DPP6: variants seen among roughly 807,000 people sequenced by gnomAD.
DPP6 encodes A-type potassium channel modulatory protein DPP6.
DPP6 carries 69 observed loss-of-function variants against 122.6 expected under a neutral mutation model. The ratio of observed to expected loss-of-function variants is 0.56; its 90% CI spans 0.46 to 0.69. The LOEUF is 0.69. Ranked by LOEUF, DPP6 falls within the 30% of genes least tolerant of loss-of-function variation. The pLI, the probability that DPP6 is intolerant of heterozygous loss-of-function variation, is 0.00. For missense variants in DPP6, 928 were observed against 1,116.9 expected (o/e 0.83, Z 2.41); for synonymous variants, 418 against 433.1 (o/e 0.97, Z 0.43).
chr7:154,030,524 A>C (rs6980009), intron 1 of DPP6, among the ~76,000 whole-genome samples: 35,935 of 152,044 alleles, frequency 0.24, 5,199 homozygotes, highest in African/African-American at 0.41. Flanking sequence ...CTCCTGCATC[A>C]TAACGGTGCT....
chr7:154,001,542 G>A (rs1585158025), intron 1 of DPP6, among the ~76,000 whole-genome samples: 1 of 151,772 alleles, frequency 6.6e-6, no homozygotes, highest in Non-Finnish European at 1.5e-5. Context: ...GGGCATGCTT[G>A]TTGGAACTGA....
At chr7:154,423,403 C>T (rs1311128236) in intron 1 of DPP6, among the ~76,000 whole-genome samples, 1 of 152,074 alleles carries the variant, frequency 6.6e-6, no homozygotes, top group Non-Finnish European at 1.5e-5. Context: ...CCTCAGGTGT[C>T]AGCTGGAACA....
Position 153,887,879 on chromosome 7 carries a change from C to T in DPP6, c.51+145C>T, listed in dbSNP as rs1052532001. The T allele has an allele frequency of 1.4e-5, 11 of 783,060 alleles. No homozygotes were observed. The Admixed American group carries it at 3.1e-4, about 22-fold the overall frequency. The allele number at this position is 783,060 out of a possible 1,614,324, so 48.5% of individuals were successfully genotyped here. A position where few individuals can be genotyped will look rare whatever the true frequency, so the allele number is the denominator to read the frequency against. ...GCGCGCGGCGGCGCTTCTCCCACTTCCCACCCGAGCCCACCCAGCGGCAGG... is the reference window on the plus strand; with the variant it reads ...GCGCGCGGCGGCGCTTCTCCCACTTTCCACCCGAGCCCACCCAGCGGCAGG... On this transcript the variant is annotated intron_variant, in intron 1 of 25. Coordinates refer to the DPP6 transcript ENST00000404039.
chr7:154,631,949 A>G (rs1199897948), intron 5 of DPP6, among the ~76,000 whole-genome samples: 3 of 152,142 alleles, frequency 2.0e-5, no homozygotes, highest in Admixed American at 1.3e-4. Flanking sequence ...AGCAGTGAAC[A>G]ATTTGCAAAT....
chr7:154,061,688 C>T (rs1401259234), intron 1 of DPP6, among the ~76,000 whole-genome samples: 1 of 117,826 alleles, frequency 8.5e-6, no homozygotes, highest in East Asian at 2.3e-4. Flanking sequence ...CTCTTGGGAC[C>T]ACCATCGCAG....
At chr7:154,592,218 T>C (rs1460729316) in intron 5 of DPP6, among the ~76,000 whole-genome samples, 2 of 152,216 alleles carry the variant, frequency 1.3e-5, no homozygotes, top group Non-Finnish European at 2.9e-5. Flanking sequence ...AGAGTAAGGC[T>C]TGACTGGTCC....
chr7:153,860,651 CAAAAA>C, the DPP6 span, among the ~76,000 whole-genome samples: 1 of 148,112 alleles, frequency 6.8e-6, no homozygotes. Flanking sequence ...CCCATGCCTT[CAAAAA>C]AAAAAAAAAG....
At chr7:154,338,623 G>A (rs757539531) in intron 1 of DPP6, among the ~76,000 whole-genome samples, 18 of 151,848 alleles carry the variant, frequency 1.2e-4, no homozygotes, top group African/African-American at 4.1e-4. Flanking sequence ...GAGTGTGCTC[G>A]GGTTCATCCA....
At chr7:154,708,828 A>G (rs1275135005) in intron 7 of DPP6, among the ~76,000 whole-genome samples, 1 of 152,184 alleles carries the variant, frequency 6.6e-6, no homozygotes, top group Non-Finnish European at 1.5e-5. Flanking sequence ...CAGACGGAAT[A>G]CCTGAGGTCA....
At chr7:153,759,390 C>G in the DPP6 span, among the ~76,000 whole-genome samples, 2 of 151,922 alleles carry the variant, frequency 1.3e-5, no homozygotes, top group African/African-American at 4.8e-5. Context: ...CCAATCTCGG[C>G]CCACTGCAAC....
intron 7 of DPP6, among the ~76,000 whole-genome samples, chr7:154,723,861 T>C (rs1841940040): frequency 6.6e-6 from 1 of 152,196 alleles, no homozygotes; most frequent in South Asian, 2.1e-4. Context: ...CTGATTTCTG[T>C]AGACACTGGG....
At chr7:153,929,223 G>A (rs1480449676) in intron 1 of DPP6, among the ~76,000 whole-genome samples, 1 of 152,148 alleles carries the variant, frequency 6.6e-6, no homozygotes, top group East Asian at 1.9e-4. Flanking sequence ...AGTGGCTGAT[G>A]TTCCTGCACA....
chr7:154,608,636 G>A (rs1000250461), intron 5 of DPP6, among the ~76,000 whole-genome samples: 4 of 151,756 alleles, frequency 2.6e-5, no homozygotes, highest in East Asian at 2.0e-4. Context: ...GCGCCCGGCC[G>A]ATCATATGTT....
Position 154,236,847 on chromosome 7 carries a change from G to T in DPP6, c.243+183784G>T, listed in dbSNP as rs75135226. ...AGCTCCATGGCAGAGAAATTGGAAA[G>T]ACCAGTAAAAAAATAAGGAAACAGG... On this transcript the variant is annotated intron_variant, in intron 1 of 25. Transcript: ENST00000377770. 7.2e-3 allele frequency among the ~76,000 whole-genome samples: 1,094 copies of T among 152,232 alleles called. 19 individuals are homozygous for T. The highest frequency in any genetic ancestry group is 0.025 in the African/African-American group (1,023 of 41,520).
At chr7:154,611,831 G>T (rs1387188) in intron 5 of DPP6, among the ~76,000 whole-genome samples, 61,247 of 151,026 alleles carry the variant, frequency 0.41, 13,332 homozygotes, top group East Asian at 0.65. Context: ...ATCTTATTTA[G>T]ATTTCTCCAT....
At chr7:154,576,082 A>G (rs1467958434) in intron 5 of DPP6, among the ~76,000 whole-genome samples, 1 of 151,972 alleles carries the variant, frequency 6.6e-6, no homozygotes, top group Non-Finnish European at 1.5e-5. Flanking sequence ...GTTTGTGTCC[A>G]TGATTTGAGG....
At chr7:153,753,435 G>A in the DPP6 span, among the ~76,000 whole-genome samples, 2 of 151,760 alleles carry the variant, frequency 1.3e-5, no homozygotes, top group African/African-American at 4.8e-5. Flanking sequence ...CAGATTCCAT[G>A]AGCACTTTTT....
chr7:154,697,330 T>C (rs767266703), intron 7 of DPP6, among the ~76,000 whole-genome samples: 1 of 152,124 alleles, frequency 6.6e-6, no homozygotes, highest in Non-Finnish European at 1.5e-5. Context: ...GAGAAGTTGC[T>C]CCTGTTCTCC....
chr7:154,652,620 G>T (rs1836949990), intron 6 of DPP6, among the ~76,000 whole-genome samples: 1 of 152,086 alleles, frequency 6.6e-6, no homozygotes, highest in South Asian at 2.1e-4. Context: ...TCCTCAGGCT[G>T]CATGAAGCTG....
Sources: allele counts gnomAD v4.1 joint callset (sites outside exome capture counted in the v4.1 genomes callset), GRCh38; gene constraint gnomAD v4.1.1; transcripts MANE v1.5; gene names NCBI Gene and HGNC (gene_info 2026-07-23, HGNC 2026-07-21).